The following CAMKK1 variants were observed in gnomAD, a reference collection of about 807,000 sequenced individuals.
CAMKK1 encodes calcium/calmodulin dependent protein kinase kinase 1.
CAMKK1 carries 20 observed loss-of-function variants against 63.5 expected under a neutral mutation model. That is an observed-to-expected ratio of 0.32 (90% CI 0.22 to 0.46). The LOEUF (loss-of-function observed/expected upper bound fraction) is 0.46, where lower values mean the gene tolerates loss of function less well. CAMKK1 is among the 20% of genes least tolerant of loss of function. The probability of loss-of-function intolerance (pLI) is 1.00; values close to 1 mark genes in which losing one functional copy is unlikely to be tolerated. For synonymous variants in CAMKK1, 253 were observed against 269.0 expected (o/e 0.94, Z 0.58); for missense variants, 588 against 658.1 (o/e 0.89, Z 1.17).
At chr17:3,872,668 C>T in intron 11 of CAMKK1, 41 bp from the exon 12 acceptor site, 1 of 1,571,190 alleles carries the variant, frequency 6.4e-7, no homozygotes, top group Non-Finnish European at 8.8e-7. Context: ...GGGTCCAGGG[C>T]CTCGACCTGT....
rs574492740 is a variant in CAMKK1 at position 3,871,347 on chromosome 17, G to T, written c.1124+1207C>A. 5.0e-3 allele frequency among the ~76,000 whole-genome samples: 519 copies of T among 104,016 alleles called. 1 individual carries two copies. Among genetic ancestry groups the T allele is most frequent in the Middle Eastern group, 0.011 (2 of 176 alleles). The allele number at this position is 104,016 out of a possible 152,430, so 68.2% of individuals were successfully genotyped here. Reference sequence around the variant, plus strand: ...TGTTGTTTTTTGTTTTTTTTTTTTTGTTTTTTTTTTTTTTTTTTTTTTTTT... The same window carrying T: ...TGTTGTTTTTTGTTTTTTTTTTTTTTTTTTTTTTTTTTTTTTTTTTTTTTT... On this transcript the variant is annotated intron_variant, in intron 12 of 15. Coordinates refer to ENST00000348335, the MANE Select transcript of CAMKK1 (RefSeq NM_032294.3).
chr17:3,882,927 C>T lies in CAMKK1; in HGVS notation c.648+115G>A, dbSNP rs1442884495. On this transcript the variant is annotated intron_variant, in intron 6 of 15. Coordinates refer to ENST00000348335, the MANE Select transcript of CAMKK1 (RefSeq NM_032294.3). This position sits in a 1 kb window ranked among gnomAD's most constrained non-coding sequence, Gnocchi z 4.3. ...CTGGCCCTGTCCTCAGAGGCCTCAG[C>T]CACATCTGCCACCTGGGCAAGATCC... The T allele has an allele frequency of 2.9e-6, 4 of 1,391,470 alleles. No homozygotes were observed. The African/African-American group carries it at 4.3e-5, about 15-fold the overall frequency. The allele number at this position is 1,391,470 out of a possible 1,614,324, so 86.2% of individuals were successfully genotyped here. A position where few individuals can be genotyped will look rare whatever the true frequency, so the allele number is the denominator to read the frequency against.
In CAMKK1 at chr17:3,887,397, A is replaced by G. The variant is rs567609416; in HGVS notation, c.-43-1667T>C. Among the ~76,000 whole-genome samples, 1 of 152,344 alleles carries G rather than the reference A, an allele frequency of 6.6e-6. No individual in the cohort carries two copies. The highest frequency in any genetic ancestry group is 2.4e-5 in the African/African-American group (1 of 41,578). On this transcript the variant is annotated intron_variant, in intron 1 of 15. Transcript: ENST00000348335. This position sits in a 1 kb window ranked among gnomAD's most constrained non-coding sequence, Gnocchi z 6.1. The stretch of plus-strand genomic sequence containing the variant: ...AGAGAGGAGGCTCCACACTAGGAAC[A>G]GGAAAAGTCATGGAAGCTGGACCCA...
Position 3,862,007 on chromosome 17 carries a change from TG to T in CAMKK1, c.*203del, listed in dbSNP as rs771252408. 4.2e-4 allele frequency: 246 copies of T among 590,674 alleles called. No individual in the cohort carries two copies. The highest frequency in any genetic ancestry group is 6.2e-4 in the Non-Finnish European group (206 of 329,670). 36.6% of individuals were successfully genotyped at this position (590,674 alleles called of 1,614,324 possible). A position where few individuals can be genotyped will look rare whatever the true frequency, so the allele number is the denominator to read the frequency against. ...GAGGAGGATGGCCTCGTGGGAGCCC[TG>T]CCCCCAAGACCCCAAATGACATACA... On this transcript the variant is annotated 3_prime_UTR_variant, in exon 16 of 16. Transcript: ENST00000348335. The surrounding 1 kb of genome is among the most constrained non-coding windows in gnomAD (Gnocchi z 4.1).
intron 9 of CAMKK1, among the ~76,000 whole-genome samples, chr17:3,878,508 C>T (rs1453589272): frequency 1.3e-5 from 2 of 152,202 alleles, no homozygotes; most frequent in African/African-American, 2.4e-5. Flanking sequence ...ATTGTGCCTG[C>T]CACTGACCGT....
Position 3,872,632 on chromosome 17 carries a change from G to A in CAMKK1, c.1051-5C>T. 6.2e-7 allele frequency: 1 copy of A among 1,612,886 alleles called. No individual in the cohort carries two copies. Among genetic ancestry groups the A allele is most frequent in the Non-Finnish European group, 8.5e-7 (1 of 1,178,876 alleles). On this transcript the variant is annotated splice_polypyrimidine_tract_variant and splice_region_variant and intron_variant, in intron 11 of 15. Coordinates refer to ENST00000348335, the MANE Select transcript of CAMKK1 (RefSeq NM_032294.3). ...GAAATCGTCGATGAATGGGCACTGT[G>A]GGGTGGAGAGGCAGACAAAGGATGT...
chr17:3,866,668 C>T (rs867122770), intron 14 of CAMKK1, among the ~76,000 whole-genome samples: 7 of 152,356 alleles, frequency 4.6e-5, no homozygotes, highest in African/African-American at 1.4e-4. Context: ...GGGTGCTGGC[C>T]ACTACTCTAG....
Position 3,861,879 on chromosome 17 carries a change from T to C in CAMKK1, c.*332A>G. On this transcript the variant is annotated 3_prime_UTR_variant, in exon 16 of 16. Transcript: ENST00000348335. ...ACCTGCCATCTTGGTCTCCTGCCTC[T>C]GCCTCCTGCCCCAGGCCATGCCAAC... 2.8e-6 allele frequency: 1 copy of C among 355,716 alleles called. No individual in the cohort carries two copies. The highest frequency in any genetic ancestry group is 5.3e-6 in the Non-Finnish European group (1 of 189,108). 22.0% of individuals were successfully genotyped at this position (355,716 alleles called of 1,614,324 possible).
At chr17:3,868,343 C>CA (rs1472066331) in intron 14 of CAMKK1, among the ~76,000 whole-genome samples, 9 of 151,074 alleles carry the variant, frequency 6.0e-5, no homozygotes, top group Non-Finnish European at 1.2e-4. Flanking sequence ...GGGGGAGACG[C>CA]AGGCACTGCC....
At chr17:3,864,634 A>C (rs955829765) in intron 15 of CAMKK1, among the ~76,000 whole-genome samples, 2 of 152,042 alleles carry the variant, frequency 1.3e-5, no homozygotes, top group South Asian at 4.2e-4. Context: ...CTCTCCCCCT[A>C]CACTAAGCAC....
chr17:3,888,566 C>T (rs957005284), intron 1 of CAMKK1, among the ~76,000 whole-genome samples: 3 of 152,218 alleles, frequency 2.0e-5, no homozygotes, highest in Admixed American at 6.5e-5. Context: ...GAGGAGGGAA[C>T]GCCCGTAAGG....
rs919182534 is a variant in CAMKK1, at chr17:3,892,483, G to T, written c.-44+456C>A. On this transcript the variant is annotated intron_variant, in intron 1 of 15. Coordinates refer to ENST00000348335, the MANE Select transcript of CAMKK1 (RefSeq NM_032294.3). This position sits in a 1 kb window ranked among gnomAD's most constrained non-coding sequence, Gnocchi z 7.5. ...CCCTGCGCAGCCTGAGCCGCGCGCC[G>T]CCGCCGCCCCATTCATCTCCCACCC... Among the ~76,000 whole-genome samples the T allele has an allele frequency of 6.6e-6, 1 of 152,110 alleles. No individual in the cohort carries two copies. Among genetic ancestry groups the T allele is most frequent in the Non-Finnish European group, 1.5e-5 (1 of 68,006 alleles).
Position 3,865,954 on chromosome 17 carries a change from C to G in CAMKK1, c.1399G>C (p.Ala467Pro). 6.2e-7 allele frequency: 1 copy of G among 1,614,220 alleles called. No individual in the cohort carries two copies. The highest frequency in any genetic ancestry group is 1.3e-5 in the African/African-American group (1 of 75,060). ...RSFGNPFEPQ[A>P]RREERSMSAP... ...GACATGGATCGCTCTTCCCTCCGTG[C>G]TTGGGGCTCAAACGGGTTCCCAAAG... Residue 467 changes from alanine to proline, a missense_variant, in exon 15 of 16, where the codon GCA (alanine) becomes CCA (proline). Coordinates refer to ENST00000348335, the MANE Select transcript of CAMKK1 (RefSeq NM_032294.3).
intron 13 of CAMKK1, 54 bp downstream of exon 13, chr17:3,869,747 A>C: frequency 6.2e-7 from 1 of 1,604,190 alleles, no homozygotes; most frequent in Non-Finnish European, 8.5e-7. Context: ...AGAAAGGGAA[A>C]GTGACTCCTG....
intron 12 of CAMKK1, among the ~76,000 whole-genome samples, chr17:3,871,693 CAG>C (rs563764851): frequency 4.2e-4 from 59 of 139,802 alleles, no homozygotes; most frequent in African/African-American, 1.4e-3. Context: ...TTTTTTGAGA[CAG>C]AGTCTTGCTC....
At position 3,887,558 on chromosome 17, in the gene CAMKK1, C is replaced by T. The variant is rs1373238600; in HGVS notation, c.-43-1828G>A. On this transcript the variant is annotated intron_variant, in intron 1 of 15. Coordinates refer to ENST00000348335, the MANE Select transcript of CAMKK1 (RefSeq NM_032294.3). This position sits in a 1 kb window ranked among gnomAD's most constrained non-coding sequence, Gnocchi z 6.1. ...AAGAGAGGGCAGGAGACAGTGAGTG[C>T]GGCTGTGGCACAAGGAGGCCTCCCT... Among the ~76,000 whole-genome samples the T allele has an allele frequency of 1.3e-5, 2 of 148,502 alleles. No individual in the cohort carries two copies. The highest frequency in any genetic ancestry group is 2.5e-5 in the African/African-American group (1 of 39,786).
At chr17:3,868,923 G>T (rs190570349) in intron 14 of CAMKK1, among the ~76,000 whole-genome samples, 181 of 151,598 alleles carry the variant, frequency 1.2e-3, no homozygotes, top group African/African-American at 4.3e-3. Context: ...AAAGTGCTGG[G>T]ATTCCAGGCG....
Position 3,882,298 on chromosome 17 carries a change from G to C in CAMKK1, c.685+230C>G. ...CGTGGATCCACTGTCTTGCTGCTCAGAGGGAAGCAGGGAGTGGGGCTTGGC... is the reference window on the plus strand; with the variant it reads ...CGTGGATCCACTGTCTTGCTGCTCACAGGGAAGCAGGGAGTGGGGCTTGGC... On this transcript the variant is annotated intron_variant, in intron 7 of 15. Coordinates refer to ENST00000348335, the MANE Select transcript of CAMKK1 (RefSeq NM_032294.3). This position sits in a 1 kb window ranked among gnomAD's most constrained non-coding sequence, Gnocchi z 4.3. 6.2e-7 allele frequency: 1 copy of C among 1,614,120 alleles called. No individual in the cohort carries two copies. Among genetic ancestry groups the C allele is most frequent in the Non-Finnish European group, 8.5e-7 (1 of 1,180,004 alleles).
At chr17:3,869,034 T>C (rs1597448195) in intron 14 of CAMKK1, among the ~76,000 whole-genome samples, 1 of 150,428 alleles carries the variant, frequency 6.6e-6, no homozygotes, top group Non-Finnish European at 1.5e-5. Flanking sequence ...AGTGGCGCGA[T>C]CTCGGCTCAC....
Sources: allele counts gnomAD v4.1 joint callset (sites outside exome capture counted in the v4.1 genomes callset), GRCh38; gene constraint gnomAD v4.1.1; non-coding constraint Gnocchi (gnomAD v3.1); transcripts MANE v1.5; gene names NCBI Gene and HGNC (gene_info 2026-07-23, HGNC 2026-07-21).